The following LMBRD1 variants were observed in gnomAD, a reference collection of about 807,000 sequenced individuals.
LMBRD1 encodes LMBR1 domain containing 1.
Under a neutral mutation model 74.8 loss-of-function variants are expected in LMBRD1, and 64 were observed. The ratio of observed to expected loss-of-function variants is 0.86; its 90% CI spans 0.70 to 1.05. The LOEUF is 1.05. Ranked by LOEUF, LMBRD1 falls within the 50% of genes least tolerant of loss-of-function variation. LMBRD1 has a pLI of 0.00. For missense variants in LMBRD1, 652 were observed against 645.9 expected, an observed-to-expected ratio of 1.01 and a Z score of -0.10; for synonymous variants, 204 against 216.3, an observed-to-expected ratio of 0.94 and a Z score of 0.50.
intron 14 of LMBRD1, 68 bp downstream of exon 14, chr6:69,697,495 T>A: frequency 9.2e-7 from 1 of 1,091,474 alleles, no homozygotes; most frequent in Non-Finnish European, 1.4e-6. Flanking sequence ...ATCAAATGAT[T>A]AACACAGCAA....
chr6:69,723,003 C>T (rs1766650102), intron 7 of LMBRD1, among the ~76,000 whole-genome samples: 1 of 151,740 alleles, frequency 6.6e-6, no homozygotes, highest in Admixed American at 6.6e-5. Flanking sequence ...ATGCCAATGG[C>T]AACAAAAAAA....
At chr6:69,745,182 C>T (rs1480591000) in intron 5 of LMBRD1, among the ~76,000 whole-genome samples, 1 of 151,852 alleles carries the variant, frequency 6.6e-6, no homozygotes, top group East Asian at 1.9e-4. Context: ...TATTTTCATG[C>T]ATTCATTTAC....
intron 8 of LMBRD1, among the ~76,000 whole-genome samples, chr6:69,718,192 C>T (rs1403289501): frequency 6.6e-6 from 1 of 151,972 alleles, no homozygotes; most frequent in South Asian, 2.1e-4. Context: ...AAACTTTTTA[C>T]AGTATTTTTA....
chr6:69,723,199 A>G (rs1403176679), intron 7 of LMBRD1, among the ~76,000 whole-genome samples: 1 of 152,154 alleles, frequency 6.6e-6, no homozygotes, highest in Non-Finnish European at 1.5e-5. Context: ...AGTTAGAGAG[A>G]CAGACCCCAA....
chr6:69,692,291 T>G (rs1317986553), intron 14 of LMBRD1, among the ~76,000 whole-genome samples: 4 of 128,566 alleles, frequency 3.1e-5, no homozygotes, highest in African/African-American at 2.7e-5. Context: ...TCTCTCTCGC[T>G]CTCTCTCTCT....
chr6:69,705,897 G>A, intron 9 of LMBRD1: 1 of 1,322,494 alleles, frequency 7.6e-7, no homozygotes, highest in East Asian at 2.3e-5. Flanking sequence ...AGCCCCTAAG[G>A]AAAATTGTTG....
At chr6:69,775,833 A>G (rs1765686487) in intron 3 of LMBRD1, among the ~76,000 whole-genome samples, 1 of 152,192 alleles carries the variant, frequency 6.6e-6, no homozygotes, top group African/African-American at 2.4e-5. Context: ...AGAACAACTG[A>G]CAGATAAGCA....
At chr6:69,703,502 T>A (rs1402529597) in intron 9 of LMBRD1, among the ~76,000 whole-genome samples, 1 of 150,148 alleles carries the variant, frequency 6.7e-6, no homozygotes, top group African/African-American at 2.5e-5. Context: ...CTCTTAGCTA[T>A]CTTCCAAATC....
intron 3 of LMBRD1, among the ~76,000 whole-genome samples, chr6:69,772,158 T>A (rs1172381397): frequency 6.6e-6 from 1 of 152,182 alleles, no homozygotes; most frequent in Non-Finnish European, 1.5e-5. Flanking sequence ...GATTGTGAAG[T>A]TCCAGAGAGG....
intron 14 of LMBRD1, among the ~76,000 whole-genome samples, chr6:69,679,175 GTCTT>G (rs1765611230): frequency 6.6e-6 from 1 of 152,078 alleles, no homozygotes; most frequent in Non-Finnish European, 1.5e-5. Context: ...TCCCTTCAGA[GTCTT>G]TCTTCTCTTT....
chr6:69,786,486 C>CT (rs11407086), intron 2 of LMBRD1, among the ~76,000 whole-genome samples: 56,240 of 147,342 alleles, frequency 0.38, 10,744 homozygotes, highest in East Asian at 0.54. Flanking sequence ...GTGTCGATTT[C>CT]TTTTTTTTTT....
At chr6:69,785,485 T>C (rs9364061) in intron 2 of LMBRD1, among the ~76,000 whole-genome samples, 54,282 of 152,072 alleles carry the variant, frequency 0.36, 10,352 homozygotes, top group East Asian at 0.54. Flanking sequence ...ATAACTCTTT[T>C]CTCTACACCC....
At chr6:69,721,921 G>C (rs1291977109) in intron 7 of LMBRD1, among the ~76,000 whole-genome samples, 1 of 152,150 alleles carries the variant, frequency 6.6e-6, no homozygotes, top group Non-Finnish European at 1.5e-5. Context: ...CAGTGGCCTG[G>C]TGGAACCCCA....
At chr6:69,741,755 A>G (rs1376800482) in intron 6 of LMBRD1, 34 bp downstream of exon 6, 8 of 1,242,074 alleles carry the variant, frequency 6.4e-6, no homozygotes, top group Non-Finnish European at 9.5e-6. Context: ...AGGAAATATA[A>G]ACTACTATGT....
At chr6:69,726,875 T>A (rs1766748194) in intron 7 of LMBRD1, among the ~76,000 whole-genome samples, 1 of 152,116 alleles carries the variant, frequency 6.6e-6, no homozygotes, top group Non-Finnish European at 1.5e-5. Context: ...AATAACTGGC[T>A]GGGCAAGGTG....
At chr6:69,708,162 G>C (rs377231246) in intron 9 of LMBRD1, among the ~76,000 whole-genome samples, 1 of 152,282 alleles carries the variant, frequency 6.6e-6, no homozygotes, top group East Asian at 1.9e-4. Flanking sequence ...TGTCAGGGAA[G>C]AGTTTATTCA....
At chr6:69,703,844 T>G (rs1007046241) in intron 9 of LMBRD1, among the ~76,000 whole-genome samples, 1 of 152,148 alleles carries the variant, frequency 6.6e-6, no homozygotes, top group Non-Finnish European at 1.5e-5. Flanking sequence ...TTTAACATGT[T>G]ACCTTATCAT....
chr6:69,776,929 T>C (rs1765717788), intron 3 of LMBRD1, among the ~76,000 whole-genome samples: 4 of 152,084 alleles, frequency 2.6e-5, no homozygotes, highest in Admixed American at 2.6e-4. Flanking sequence ...GGCAGATCGC[T>C]TGAGGTCAGG....
Position 69,796,877 on chromosome 6 carries a change from G to T in LMBRD1, c.5C>A (p.Ala2Glu). 2 of 1,613,534 alleles carry T rather than the reference G, an allele frequency of 1.2e-6. No homozygotes were observed. Among genetic ancestry groups the T allele is most frequent in the Middle Eastern group, 1.6e-4 (1 of 6,062 alleles). The change falls in exon 1 of 16, where the codon GCG becomes GAG. Residue 2 changes from alanine to glutamate, a missense_variant. Ala to Glu is a moderately radical substitution (Grantham distance 107). This residue lies in a region of LMBRD1 where 598 missense variants were observed against 581.8 expected (regional missense o/e 1.03). Transcript: ENST00000649934. ...CTCCGCCGAGGCCGCGCCAGAAGTCGCCATCTTCGCTTCCGGTCCAGACCA... is the reference window on the plus strand; with the variant it reads ...CTCCGCCGAGGCCGCGCCAGAAGTCTCCATCTTCGCTTCCGGTCCAGACCA... M[A>E]TSGAASAELV...
Sources: allele counts gnomAD v4.1 joint callset (sites outside exome capture counted in the v4.1 genomes callset), GRCh38; gene constraint gnomAD v4.1.1; regional missense constraint gnomAD v4.1.1; transcripts MANE v1.5; gene names NCBI Gene and HGNC (gene_info 2026-07-23, HGNC 2026-07-21).